The following SLC35F3 variants were observed in gnomAD, a reference collection of about 807,000 sequenced individuals.
SLC35F3 encodes the protein solute carrier family 35 member F3.
A neutral mutation model predicts 49.9 loss-of-function variants in SLC35F3; 25 were observed. The observed-to-expected ratio is 0.50, with a 90% CI of 0.37 to 0.70. The LOEUF is 0.70. Among genes scored for constraint, SLC35F3 ranks in the 30% least tolerant of loss-of-function variants. The probability of loss-of-function intolerance (pLI) is 0.00; values close to 1 mark genes in which losing one functional copy is unlikely to be tolerated. For synonymous variants in SLC35F3, 275 were observed against 265.4 expected, an observed-to-expected ratio of 1.04 and a Z score of -0.35; for missense variants, 525 against 639.8, an observed-to-expected ratio of 0.82 and a Z score of 1.94.
At chr1:234,220,578 GA>G (rs1667189108) in intron 2 of SLC35F3, among the ~76,000 whole-genome samples, 1 of 152,144 alleles carries the variant, frequency 6.6e-6, no homozygotes, top group Admixed American at 6.5e-5. Context: ...TGAGGACTTG[GA>G]TTGCAGGGGG....
intron 2 of SLC35F3, among the ~76,000 whole-genome samples, chr1:234,142,931 T>TTA (rs1379617591): frequency 6.6e-6 from 1 of 152,230 alleles, no homozygotes; most frequent in Non-Finnish European, 1.5e-5. Context: ...TCATTTTTAA[T>TTA]TATATATATT....
At chr1:234,197,104 G>A (rs1402192550) in intron 2 of SLC35F3, among the ~76,000 whole-genome samples, 1 of 152,240 alleles carries the variant, frequency 6.6e-6, no homozygotes, top group African/African-American at 2.4e-5. Flanking sequence ...GCAGAGTTAG[G>A]GAAATGAAAA....
chr1:233,910,765 T>C (rs773987265), intron 2 of SLC35F3, among the ~76,000 whole-genome samples: 2 of 152,218 alleles, frequency 1.3e-5, no homozygotes, highest in Non-Finnish European at 2.9e-5. Flanking sequence ...ATCATTTGAG[T>C]AGGTTTATAC....
chr1:234,151,909 G>T (rs943516418), intron 2 of SLC35F3, among the ~76,000 whole-genome samples: 2 of 151,966 alleles, frequency 1.3e-5, no homozygotes, highest in East Asian at 3.9e-4. Flanking sequence ...TATTTAAAGA[G>T]CATTTTATAC....
In SLC35F3 at chr1:234,246,026, C is replaced by G. The variant is rs991760276; in HGVS notation, c.608+14285C>G. Among the ~76,000 whole-genome samples the G allele has an allele frequency of 3.3e-5, 5 of 152,218 alleles. No homozygotes were observed. In the South Asian group the frequency reaches 1.0e-3, roughly 32 times the overall value. On this transcript the variant is annotated intron_variant, in intron 3 of 7. Coordinates refer to ENST00000366618, the MANE Select transcript of SLC35F3 (RefSeq NM_173508.4). Reference sequence around the variant, plus strand: ...TGACTGGAGGGTGGCAAGATCATCTCGGGGAAGAGTACATGGAATGGGAGG... The same window carrying G: ...TGACTGGAGGGTGGCAAGATCATCTGGGGGAAGAGTACATGGAATGGGAGG...
intron 2 of SLC35F3, among the ~76,000 whole-genome samples, chr1:233,948,228 GGAGA>G (rs150190453): frequency 0.037 from 3,924 of 107,496 alleles, 94 homozygotes; most frequent in African/African-American, 0.1. Context: ...AGGGAGAGAG[GGAGA>G]GAGAGAGAGA....
chr1:234,225,339 T>C (rs1667270353), intron 2 of SLC35F3, among the ~76,000 whole-genome samples: 1 of 110,232 alleles, frequency 9.1e-6, no homozygotes. Flanking sequence ...TCTTCTAAGC[T>C]CCTCATTTTG....
intron 2 of SLC35F3, among the ~76,000 whole-genome samples, chr1:234,161,295 G>A (rs890052447): frequency 1.3e-5 from 2 of 152,210 alleles, no homozygotes; most frequent in Non-Finnish European, 2.9e-5. Flanking sequence ...ATAGAAATGT[G>A]AAGTACCTTG....
chr1:234,166,186 C>A (rs559331026), intron 2 of SLC35F3, among the ~76,000 whole-genome samples: 5 of 152,176 alleles, frequency 3.3e-5, no homozygotes, highest in African/African-American at 9.6e-5. Flanking sequence ...AGGTTCAGAG[C>A]AAATTGAGCA....
chr1:234,025,293 T>G (rs1231721982), intron 2 of SLC35F3, among the ~76,000 whole-genome samples: 2 of 152,284 alleles, frequency 1.3e-5, no homozygotes, highest in Non-Finnish European at 2.9e-5. Context: ...AGTGCATATG[T>G]CCTTTTGGCA....
intron 3 of SLC35F3, among the ~76,000 whole-genome samples, chr1:234,250,712 A>C (rs1014041684): frequency 1.3e-5 from 2 of 152,136 alleles, no homozygotes; most frequent in African/African-American, 2.4e-5. Context: ...ATATACAAGA[A>C]GCATGGTGCC....
intron 3 of SLC35F3, among the ~76,000 whole-genome samples, chr1:234,304,030 C>CT (rs1325511394): frequency 8.1e-6 from 1 of 123,500 alleles, no homozygotes; most frequent in African/African-American, 3.6e-5. Context: ...TCCTTCCTTC[C>CT]TTCCTTCCTT....
intron 2 of SLC35F3, among the ~76,000 whole-genome samples, chr1:233,971,644 G>A (rs1321248652): frequency 4.0e-5 from 6 of 151,664 alleles, no homozygotes; most frequent in Non-Finnish European, 5.9e-5. Flanking sequence ...CTTGAACCCG[G>A]GAGGTGGAGA....
At chr1:233,911,393 A>C (rs1048185381) in intron 2 of SLC35F3, among the ~76,000 whole-genome samples, 1 of 152,192 alleles carries the variant, frequency 6.6e-6, no homozygotes, top group African/African-American at 2.4e-5. Context: ...GAGATGGAGA[A>C]GATTTTAAAA....
At chr1:234,188,233 G>A (rs1172982628) in intron 2 of SLC35F3, among the ~76,000 whole-genome samples, 5 of 138,834 alleles carry the variant, frequency 3.6e-5, no homozygotes, top group South Asian at 2.2e-4. Flanking sequence ...GCGAAACTCC[G>A]CCTCAAAAAA....
intron 2 of SLC35F3, among the ~76,000 whole-genome samples, chr1:234,195,203 G>C (rs1666789094): frequency 6.6e-6 from 1 of 152,168 alleles, no homozygotes; most frequent in Non-Finnish European, 1.5e-5. Flanking sequence ...TTTCCAGGCT[G>C]TGCCTACCTA....
At chr1:234,201,245 A>G (rs1219405019) in intron 2 of SLC35F3, among the ~76,000 whole-genome samples, 2 of 152,256 alleles carry the variant, frequency 1.3e-5, no homozygotes, top group Admixed American at 6.5e-5. Flanking sequence ...TTGGATGAAG[A>G]CAAACTTGGG....
At position 234,139,966 on chromosome 1, in the gene SLC35F3, A is replaced by AAATAAAATAAAATAAAATAAAATAAAAT. The variant is rs1553308888; in HGVS notation, c.284-91448_284-91421dup. Among the ~76,000 whole-genome samples the AAATAAAATAAAATAAAATAAAATAAAAT allele has an allele frequency of 9.2e-3, 1,226 of 133,354 alleles. 51 individuals carry two copies. Among genetic ancestry groups the AAATAAAATAAAATAAAATAAAATAAAAT allele is most frequent in the African/African-American group, 0.033 (1,163 of 35,738 alleles). 87.5% of individuals were successfully genotyped at this position (133,354 alleles called of 152,430 possible). A position where few individuals can be genotyped will look rare whatever the true frequency, so the allele number is the denominator to read the frequency against. ...CATCTCAAAATAATAAAATAAAATA[A>AAATAAAATAAAATAAAATAAAATAAAAT]AATAAAATAAAATAAAATAAAATAA... On this transcript the variant is annotated intron_variant, in intron 2 of 7. Coordinates refer to ENST00000366618, the MANE Select transcript of SLC35F3 (RefSeq NM_173508.4).
At chr1:233,924,191 G>A (rs111401127) in intron 2 of SLC35F3, among the ~76,000 whole-genome samples, 4,414 of 152,058 alleles carry the variant, frequency 0.029, 192 homozygotes, top group African/African-American at 0.1. Flanking sequence ...CTTTTTTTCT[G>A]TTGATTGGAA....
Sources: gnomAD v4.1 joint callset for allele counts (sites outside exome capture counted in the v4.1 genomes callset) on GRCh38, gnomAD v4.1.1 for gene constraint, MANE v1.5 for transcripts, NCBI Gene and HGNC (gene_info 2026-07-23, HGNC 2026-07-21) for gene names.